Variants in SDHC observed in about 807,000 individuals in gnomAD.
The protein encoded by SDHC is succinate dehydrogenase cytochrome b560 subunit, mitochondrial.
Under a neutral mutation model 22.6 loss-of-function variants are expected in SDHC, and 11 were observed. The observed-to-expected ratio is 0.49, with a 90% CI of 0.31 to 0.81. The LOEUF (loss-of-function observed/expected upper bound fraction) is 0.81. SDHC is among the 30% of genes least tolerant of loss of function. SDHC has a pLI of 0.05. For synonymous variants in SDHC, 80 were observed against 77.8 expected (o/e 1.03, Z -0.15); for missense variants, 160 against 212.0 (o/e 0.75, Z 1.52).
At chr1:161,314,700 G>A (rs1670540150) in intron 1 of SDHC, 1 of 539,922 alleles carries the variant, frequency 1.9e-6, no homozygotes, top group South Asian at 2.5e-5. Context: ...TACTTCTAAC[G>A]CAAATTGCTC....
At chr1:161,334,530 CCAGG>C (rs1397639159) in intron 3 of SDHC, among the ~76,000 whole-genome samples, 1 of 152,054 alleles carries the variant, frequency 6.6e-6, no homozygotes, top group East Asian at 1.9e-4. Flanking sequence ...CCTTGACTTC[CCAGG>C]CTTAAGTGAT....
intron 4 of SDHC, among the ~76,000 whole-genome samples, chr1:161,341,547 G>C (rs1478798559): frequency 6.6e-6 from 1 of 152,168 alleles, no homozygotes; most frequent in Non-Finnish European, 1.5e-5. Flanking sequence ...TCACAGTAGG[G>C]ATATACTTTA....
chr1:161,328,450 G>A lies in SDHC; in HGVS notation c.132G>A (p.Lys44=), dbSNP rs2102307834. The stretch of plus-strand genomic sequence containing the variant: ...AAGAGATGGAGCGGTTCTGGAATAA[G>A]AATATAGGTTCAAACCGTCCTCTGT... The part of the protein sequence containing the change: ...AKEEMERFWN[K]NIGSNRPLSP... The change falls in exon 3 of 6, where the codon AAG becomes AAA. Residue 44 remains lysine (K), a synonymous_variant. Transcript: ENST00000367975. The A allele has an allele frequency of 6.2e-7, 1 of 1,613,936 alleles. No homozygotes were observed.
At chr1:161,352,292 G>A (rs758959574) in intron 4 of SDHC, among the ~76,000 whole-genome samples, 3 of 152,156 alleles carry the variant, frequency 2.0e-5, no homozygotes, top group Non-Finnish European at 4.4e-5. Context: ...TAATATTCCT[G>A]TTTGAAGAGG....
At chr1:161,357,704 C>T (rs1488957538) in intron 5 of SDHC, among the ~76,000 whole-genome samples, 1 of 152,110 alleles carries the variant, frequency 6.6e-6, no homozygotes, top group African/African-American at 2.4e-5. Flanking sequence ...CTGCTGAACT[C>T]TTCATTTTTA....
intron 5 of SDHC, 96 bp downstream of exon 5, chr1:161,356,936 T>G: frequency 7.5e-7 from 1 of 1,331,788 alleles, no homozygotes; most frequent in Non-Finnish European, 1.1e-6. Context: ...GCTGTTCTTT[T>G]TTTTTTTTCC....
intron 3 of SDHC, among the ~76,000 whole-genome samples, chr1:161,335,716 T>A (rs1387528020): frequency 2.6e-5 from 4 of 152,290 alleles, no homozygotes; most frequent in Middle Eastern, 3.4e-3. Flanking sequence ...ATGTCATTGC[T>A]TCTAGGCCCG....
intron 5 of SDHC, among the ~76,000 whole-genome samples, chr1:161,360,054 A>G (rs2102379342): frequency 6.9e-6 from 1 of 145,050 alleles, no homozygotes; most frequent in Non-Finnish European, 1.5e-5. Flanking sequence ...CTGGGCTTCC[A>G]TCTTTTCTCT....
rs773039986 is a variant in SDHC, at chr1:161,356,802, C to T, written c.367C>T (p.Pro123Ser). The change falls in exon 5 of 6, where the codon CCT (proline) becomes TCT (serine). Residue 123 changes from proline to serine, a missense_variant. Around this residue, in one of 2 missense-constraint regions of SDHC, gnomAD observed 74 missense variants for 128.6 expected, o/e 0.58. Transcript: ENST00000367975. ...IHTAKFALVF[P>S]LMYHTWNGIR... The stretch of plus-strand genomic sequence containing the variant: ...CACAGCTAAGTTTGCACTTGTCTTC[C>T]CTCTCATGTATCATACCTGGAATGG... 15 of 1,613,998 alleles carry T rather than the reference C, an allele frequency of 9.3e-6. No homozygotes were observed. Among genetic ancestry groups the T allele is most frequent in the East Asian group, 4.5e-5 (2 of 44,894 alleles).
At chr1:161,317,029 T>TTTTC (rs1670642997) in intron 1 of SDHC, among the ~76,000 whole-genome samples, 2 of 151,194 alleles carry the variant, frequency 1.3e-5, no homozygotes, top group South Asian at 4.2e-4. Context: ...TTTCTTTTTT[T>TTTTC]TTTTTTTGAG....
At chr1:161,355,352 AT>A (rs752047839) in intron 4 of SDHC, among the ~76,000 whole-genome samples, 4 of 152,202 alleles carry the variant, frequency 2.6e-5, no homozygotes, top group Non-Finnish European at 5.9e-5. Context: ...TGTATTCTGG[AT>A]AAAAGTCCTC....
In SDHC at chr1:161,350,102, G is replaced by T. The variant is rs192741084; in HGVS notation, c.242-6575G>T. On this transcript the variant is annotated intron_variant, in intron 4 of 5. Coordinates refer to ENST00000367975, the MANE Select transcript of SDHC (RefSeq NM_003001.5). ...ATTTTGTATTTTTAGTAGAGACGGG[G>T]TTTCACCATGTTGGCCAGGCTAGTC... Among the ~76,000 whole-genome samples, 13 of 152,258 alleles carry T rather than the reference G, an allele frequency of 8.5e-5. No individual in the cohort carries two copies. The East Asian group carries it at 2.1e-3, about 25-fold the overall frequency.
intron 4 of SDHC, among the ~76,000 whole-genome samples, chr1:161,353,040 G>A (rs1340669164): frequency 6.6e-6 from 1 of 152,184 alleles, no homozygotes; most frequent in Non-Finnish European, 1.5e-5. Flanking sequence ...ATGATTTTGA[G>A]AACATTTGAC....
chr1:161,345,156 C>T (rs780769087), intron 4 of SDHC, among the ~76,000 whole-genome samples: 10 of 152,204 alleles, frequency 6.6e-5, no homozygotes, highest in Non-Finnish European at 7.3e-5. Flanking sequence ...TTACTGTGCT[C>T]CAGCCACACT....
rs532317918 is a variant in SDHC, at chr1:161,339,662, GTTTTTTTTTTTTT to G, written c.180-916_180-904del. Reference sequence around the variant, plus strand: ...TTTGTAACCTAATCCTGATACAGGTGTTTTTTTTTTTTTTTTTTTTTTTTTTTTGGAGACAGAG... The same window carrying G: ...TTTGTAACCTAATCCTGATACAGGTGTTTTTTTTTTTTTTTGGAGACAGAG... On this transcript the variant is annotated intron_variant, in intron 3 of 5. Transcript: ENST00000367975. 256 of 51,690 alleles carry G rather than the reference GTTTTTTTTTTTTT, an allele frequency of 5.0e-3. 4 individuals carry two copies. Among genetic ancestry groups the G allele is most frequent in the South Asian group, 0.048 (199 of 4,172 alleles). 3.2% of individuals were successfully genotyped at this position (51,690 alleles called of 1,614,324 possible). A position where few individuals can be genotyped will look rare whatever the true frequency, so the allele number is the denominator to read the frequency against.
At chr1:161,325,166 C>T (rs1482941858) in intron 2 of SDHC, among the ~76,000 whole-genome samples, 1 of 152,044 alleles carries the variant, frequency 6.6e-6, no homozygotes, top group African/African-American at 2.4e-5. Flanking sequence ...ATGATCATGC[C>T]ACTGCACTCC....
At chr1:161,346,463 G>A (rs1408710255) in intron 4 of SDHC, among the ~76,000 whole-genome samples, 2 of 151,422 alleles carry the variant, frequency 1.3e-5, no homozygotes, top group Admixed American at 6.6e-5. Flanking sequence ...GCAATAGCGC[G>A]ATCTCAGCTC....
chr1:161,344,077 C>CAGG (rs57096966), intron 4 of SDHC, among the ~76,000 whole-genome samples: 17,605 of 151,372 alleles, frequency 0.12, 1,382 homozygotes, highest in African/African-American at 0.21. Flanking sequence ...ATCACGAGGT[C>CAGG]AGATCGAGAC....
In SDHC at chr1:161,316,305, A is replaced by G. The variant is rs1223046925; in HGVS notation, c.20+1880A>G. Among the ~76,000 whole-genome samples, 5 of 152,268 alleles carry G rather than the reference A, an allele frequency of 3.3e-5. No individual in the cohort carries two copies. In the East Asian group the frequency reaches 9.6e-4, roughly 29 times the overall value. ...ATTTCAGACTATCACATGGGGAGAA[A>G]CCTTGGACAATACCTGGCTTTCCTA... On this transcript the variant is annotated intron_variant, in intron 1 of 5. Coordinates refer to ENST00000367975, the MANE Select transcript of SDHC (RefSeq NM_003001.5).
Sources: allele counts gnomAD v4.1 joint callset (sites outside exome capture counted in the v4.1 genomes callset), GRCh38; gene constraint gnomAD v4.1.1; regional missense constraint gnomAD v4.1.1; transcripts MANE v1.5; gene names NCBI Gene and HGNC (gene_info 2026-07-23, HGNC 2026-07-21).